ZMYND11: variants seen among roughly 807,000 people sequenced by gnomAD.
The protein encoded by ZMYND11 is zinc finger MYND domain-containing protein 11.
A neutral mutation model predicts 84.9 loss-of-function variants in ZMYND11; 9 were observed. The observed-to-expected ratio is 0.11, with a 90% CI of 0.06 to 0.18. The LOEUF is 0.18. Ranked by LOEUF, ZMYND11 falls within the 10% of genes least tolerant of loss-of-function variation. ZMYND11 has a pLI of 1.00. For synonymous variants in ZMYND11, 250 were observed against 244.1 expected (o/e 1.02, Z -0.23); for missense variants, 409 against 761.0 (o/e 0.54, Z 5.44).
rs565633989 is a variant in ZMYND11 at position 240,836 on chromosome 10, T to G, written c.754-57T>G. On this transcript the variant is annotated intron_variant, in intron 8 of 14. Coordinates refer to ENST00000381604, the MANE Select transcript of ZMYND11 (RefSeq NM_001370100.5). ...TTAATTTACATGGATACATTTTATA[T>G]AGTTTAATGTGTATGTATATTTTAT... is the stretch of plus-strand genomic sequence containing the variant. The G allele has an allele frequency of 4.1e-5, 49 of 1,200,902 alleles. 1 individual carries two copies. The South Asian group carries it at 5.9e-4, about 14-fold the overall frequency. The allele number at this position is 1,200,902 out of a possible 1,614,324, so 74.4% of individuals were successfully genotyped here.
rs1334309346 is a variant in ZMYND11, at chr10:254,497, C to T, written c.*2027C>T. 1 of 152,642 alleles carries T rather than the reference C, an allele frequency of 6.6e-6. No homozygotes were observed. The highest frequency in any genetic ancestry group is 2.4e-5 in the African/African-American group (1 of 41,448). 9.5% of individuals were successfully genotyped at this position (152,642 alleles called of 1,614,324 possible). ...AGCTATATCGAGGTGTTGAGCTTAG[C>T]CACTATGCACATTGTAATTATTCAT... On this transcript the variant is annotated 3_prime_UTR_variant, in exon 15 of 15. Transcript: ENST00000381604.
intron 4 of ZMYND11, 24 bp from the exon 5 acceptor site, chr10:236,811 CTTT>C (rs753774748): frequency 8.2e-6 from 13 of 1,583,438 alleles, no homozygotes; most frequent in Non-Finnish European, 1.0e-5. Context: ...GATTTTGTAC[CTTT>C]TTTTATTCTT....
intron 1 of ZMYND11, among the ~76,000 whole-genome samples, chr10:161,794 A>G (rs962140297): frequency 1.3e-5 from 2 of 152,172 alleles, no homozygotes; most frequent in Admixed American, 6.5e-5. Context: ...GTTCTGGATT[A>G]GGTTTTGGCT....
chr10:153,045 A>G (rs1840795162), intron 1 of ZMYND11, among the ~76,000 whole-genome samples: 1 of 152,186 alleles, frequency 6.6e-6, no homozygotes, highest in African/African-American at 2.4e-5. Flanking sequence ...AGCTGTTTGT[A>G]TTGGAACAGA....
chr10:179,135 C>G (rs1847295420), intron 1 of ZMYND11, among the ~76,000 whole-genome samples: 1 of 152,128 alleles, frequency 6.6e-6, no homozygotes, highest in South Asian at 2.1e-4. Flanking sequence ...GTCCCCAATG[C>G]TAGGATTCAT....
intron 10 of ZMYND11, among the ~76,000 whole-genome samples, chr10:246,407 G>A (rs1382978405): frequency 6.6e-6 from 1 of 152,160 alleles, no homozygotes; most frequent in Non-Finnish European, 1.5e-5. Flanking sequence ...ACTTTAAAAG[G>A]ACTTATGAAG....
chr10:233,185 C>T (rs779150175), intron 4 of ZMYND11, among the ~76,000 whole-genome samples: 23 of 151,798 alleles, frequency 1.5e-4, no homozygotes, highest in African/African-American at 3.6e-4. Context: ...TTTCTGGGGG[C>T]GGCACCTGAG....
In ZMYND11 at chr10:168,454, A is replaced by T. The variant is rs139689330; in HGVS notation, c.-19-11540A>T. On this transcript the variant is annotated intron_variant, in intron 1 of 14. Transcript: ENST00000381604. ...TAGTAAGACTCTGTCTCTTAAAAGA[A>T]AATTTAACATATGATTAGGAATGTA... Among the ~76,000 whole-genome samples, 1,506 of 152,274 alleles carry T rather than the reference A, an allele frequency of 9.9e-3. 23 individuals are homozygous for T. Among genetic ancestry groups the T allele is most frequent in the Middle Eastern group, 0.017 (5 of 294 alleles).
intron 1 of ZMYND11, among the ~76,000 whole-genome samples, chr10:164,071 C>T (rs1843473898): frequency 6.6e-6 from 1 of 152,156 alleles, no homozygotes; most frequent in Non-Finnish European, 1.5e-5. Context: ...GTGTTCCCCT[C>T]ACACCCTACT....
intron 2 of ZMYND11, among the ~76,000 whole-genome samples, chr10:206,278 T>G (rs1200653013): frequency 2.0e-5 from 3 of 152,126 alleles, no homozygotes; most frequent in Non-Finnish European, 4.4e-5. Context: ...GAGAATCACT[T>G]GAACCCAGGA....
At chr10:180,958 A>G (rs1444179034) in intron 2 of ZMYND11, among the ~76,000 whole-genome samples, 2 of 152,078 alleles carry the variant, frequency 1.3e-5, no homozygotes, top group Non-Finnish European at 2.9e-5. Flanking sequence ...TGCTATTTAT[A>G]TGGGTAGACA....
intron 14 of ZMYND11, among the ~76,000 whole-genome samples, chr10:250,052 C>T (rs113054905): frequency 6.6e-6 from 1 of 152,182 alleles, no homozygotes; most frequent in South Asian, 2.1e-4. Context: ...GCCTTCAGTA[C>T]AAGTGAAAGC....
chr10:246,863 C>T lies in ZMYND11; in HGVS notation c.1048C>T (p.Leu350=). The T allele has an allele frequency of 1.2e-6, 2 of 1,614,070 alleles. No individual in the cohort carries two copies. Among genetic ancestry groups the T allele is most frequent in the Non-Finnish European group, 1.7e-6 (2 of 1,179,996 alleles). ...GGGTTGGAAAAAGGCCTGTGATGAG[C>T]TGGAGCTGCATCAGCGTTTCCTACG... The part of the protein sequence containing the change: ...SMGWKKACDE[L]ELHQRFLREG... Residue 350 remains leucine, a synonymous_variant, in exon 11 of 15, where the codon CTG becomes TTG. Transcript: ENST00000381604.
chr10:138,220 A>G lies in ZMYND11; in HGVS notation c.-20+2661A>G, dbSNP rs1001918627. Among the ~76,000 whole-genome samples, 10 of 138,010 alleles carry G rather than the reference A, an allele frequency of 7.2e-5. No individual in the cohort carries two copies. The East Asian group carries it at 2.2e-3, about 30-fold the overall frequency. 90.5% of individuals were successfully genotyped at this position (138,010 alleles called of 152,430 possible). ...TGCCTCCCAGGCTTAAGCGATTCTCATGCCTCAGCCTCCCGGGTAGCTCGT... is the reference window on the plus strand; with the variant it reads ...TGCCTCCCAGGCTTAAGCGATTCTCGTGCCTCAGCCTCCCGGGTAGCTCGT... On this transcript the variant is annotated intron_variant, in intron 1 of 14. Transcript: ENST00000381604.
At chr10:144,485 G>C (rs1468950985) in intron 1 of ZMYND11, among the ~76,000 whole-genome samples, 2 of 152,002 alleles carry the variant, frequency 1.3e-5, no homozygotes, top group African/African-American at 4.8e-5. Flanking sequence ...GCCTCCCAAA[G>C]TGTTGGGATT....
intron 1 of ZMYND11, among the ~76,000 whole-genome samples, chr10:150,665 A>G (rs1427287546): frequency 1.3e-5 from 2 of 152,340 alleles, no homozygotes; most frequent in Non-Finnish European, 2.9e-5. Flanking sequence ...GGGGCAGGGC[A>G]TAGCCGAACA....
At chr10:170,302 C>G (rs1407032111) in intron 1 of ZMYND11, among the ~76,000 whole-genome samples, 1 of 151,794 alleles carries the variant, frequency 6.6e-6, no homozygotes, top group Non-Finnish European at 1.5e-5. Flanking sequence ...AGTTAGAAAC[C>G]TGGATGTAGA....
intron 2 of ZMYND11, among the ~76,000 whole-genome samples, chr10:208,253 T>G (rs1323271023): frequency 6.6e-6 from 1 of 152,170 alleles, no homozygotes; most frequent in African/African-American, 2.4e-5. Flanking sequence ...ACTTCGTGTC[T>G]AAAACACCAA....
In ZMYND11 at chr10:135,972, C is replaced by T. The variant is rs1444355008; in HGVS notation, c.-20+413C>T. Among the ~76,000 whole-genome samples, 1 of 151,666 alleles carries T rather than the reference C, an allele frequency of 6.6e-6. No individual in the cohort carries two copies. Among genetic ancestry groups the T allele is most frequent in the Non-Finnish European group, 1.5e-5 (1 of 67,862 alleles). Reference sequence around the variant, plus strand: ...TGGGCCCGTGCGCAGTCCGGGCCGGCGGGGAACGCGGCTCCGGGCGTGTGG... The same window carrying T: ...TGGGCCCGTGCGCAGTCCGGGCCGGTGGGGAACGCGGCTCCGGGCGTGTGG... On this transcript the variant is annotated intron_variant, in intron 1 of 14. Coordinates refer to ENST00000381604, the MANE Select transcript of ZMYND11 (RefSeq NM_001370100.5). This position sits in a 1 kb window ranked among gnomAD's most constrained non-coding sequence, Gnocchi z 5.6.
Sources: gnomAD v4.1 joint callset for allele counts (sites outside exome capture counted in the v4.1 genomes callset) on GRCh38, gnomAD v4.1.1 for gene constraint, Gnocchi (gnomAD v3.1) non-coding constraint, MANE v1.5 for transcripts, NCBI Gene and HGNC (gene_info 2026-07-23, HGNC 2026-07-21) for gene names.